The following GAA variants were observed in gnomAD, a reference collection of about 807,000 sequenced individuals.
GAA encodes the protein alpha glucosidase.
GAA carries 88 observed loss-of-function variants against 103.9 expected under a neutral mutation model. That is an observed-to-expected ratio of 0.85 (90% CI 0.71 to 1.01). The LOEUF is 1.01. GAA is among the 50% of genes least tolerant of loss of function. The probability of loss-of-function intolerance (pLI) is 0.00; values close to 1 mark genes in which losing one functional copy is unlikely to be tolerated. For synonymous variants in GAA, 572 were observed against 563.1 expected, an observed-to-expected ratio of 1.02 and a Z score of -0.22; for missense variants, 1,350 against 1,305.3, an observed-to-expected ratio of 1.03 and a Z score of -0.53.
chr17:80,118,822 T>C lies in GAA; in HGVS notation c.2799+17T>C. The stretch of plus-strand genomic sequence containing the variant: ...GACACCAAGGCAAGAGGGCCCAGAG[T>C]GGCACAGGGATCGCGTCCCCCAGCC... On this transcript the variant is annotated intron_variant, in intron 19 of 19. Transcript: ENST00000302262. 5 of 1,612,394 alleles carry C rather than the reference T, an allele frequency of 3.1e-6. No individual in the cohort carries two copies. The highest frequency in any genetic ancestry group is 4.2e-6 in the Non-Finnish European group (5 of 1,179,938).
chr17:80,108,630 G>T (rs1407135392), intron 7 of GAA, 23 bp downstream of exon 7: 2 of 1,612,694 alleles, frequency 1.2e-6, no homozygotes, highest in East Asian at 4.5e-5. Context: ...GGTGGCAGGG[G>T]AGGCAAGGGG....
At chr17:80,108,651 C>G in intron 7 of GAA, 44 bp downstream of exon 7, 2 of 1,612,488 alleles carry the variant, frequency 1.2e-6, no homozygotes, top group Non-Finnish European at 1.7e-6. Context: ...CTGGCCGGGA[C>G]GCGTCTCCTC....
rs775045676 is a variant in GAA, at chr17:80,111,075, C to T, written c.1636+50C>T. 3 of 1,551,716 alleles carry T rather than the reference C, an allele frequency of 1.9e-6. No individual in the cohort carries two copies. In the South Asian group the frequency reaches 3.4e-5, roughly 18 times the overall value. On this transcript the variant is annotated intron_variant, in intron 11 of 19. Transcript: ENST00000302262. ...GGGGACTTAATCAAATCAGAGACTC[C>T]CTTGTCTGGCCTGGGAGACTTAGCA...
Position 80,105,911 on chromosome 17 carries a change from G to C in GAA, c.692+17G>C, listed in dbSNP as rs199559553. The C allele has an allele frequency of 1.3e-3, 1,991 of 1,580,398 alleles. 2 individuals carry two copies. Among genetic ancestry groups the C allele is most frequent in the Non-Finnish European group, 1.3e-3 (1,553 of 1,165,236 alleles). ...CCGCGTGCTGTGAGTTCTGGGCTCT[G>C]TGCCAGCATGATGGGGAGGGCGACG... On this transcript the variant is annotated intron_variant, in intron 3 of 19. Transcript: ENST00000302262.
rs746351336 is a variant in GAA, at chr17:80,104,655, C to T, written c.69C>T (p.Thr23=). The change falls in exon 2 of 20, where the codon ACC becomes ACT. Residue 23 remains threonine (T), a synonymous_variant. Transcript: ENST00000302262. The surrounding 1 kb of genome is among the most constrained non-coding windows in gnomAD (Gnocchi z 4.0). ...LAVCALVSLA[T]AALLGHILLH... ...TCTGCGCCCTCGTGTCCTTGGCAAC[C>T]GCTGCACTCCTGGGGCACATCCTAC... 32 of 1,613,314 alleles carry T rather than the reference C, an allele frequency of 2.0e-5. No individual in the cohort carries two copies. The highest frequency in any genetic ancestry group is 1.6e-4 in the Middle Eastern group (1 of 6,062).
At position 80,112,603 on chromosome 17, in the gene GAA, C is replaced by A; in HGVS notation, c.1780C>A (p.Arg594Ser). Reference protein sequence around the residue: ...HRALVKARGTRPFVISRSTFA... With the variant: ...HRALVKARGTSPFVISRSTFA... Reference sequence around the variant, plus strand: ...GGCGCTGGTGAAGGCTCGGGGGACACGCCCATTTGTGATCTCCCGCTCGAC... The same window carrying A: ...GGCGCTGGTGAAGGCTCGGGGGACAAGCCCATTTGTGATCTCCCGCTCGAC... The change falls in exon 13 of 20, where the codon CGC becomes AGC. Residue 594 changes from arginine to serine, a missense_variant. Arg to Ser is a moderately radical substitution (Grantham distance 110). Coordinates refer to ENST00000302262, the MANE Select transcript of GAA (RefSeq NM_000152.5). 4 of 1,613,006 alleles carry A rather than the reference C, an allele frequency of 2.5e-6. No individual in the cohort carries two copies. The highest frequency in any genetic ancestry group is 3.4e-6 in the Non-Finnish European group (4 of 1,179,956).
rs373307393 is a variant in GAA, at chr17:80,104,895, C to T, written c.309C>T (p.Cys103=). 2.4e-5 allele frequency: 39 copies of T among 1,612,546 alleles called. No individual in the cohort carries two copies. Among genetic ancestry groups the T allele is most frequent in the Admixed American group, 6.7e-5 (4 of 59,980 alleles). ...ACAAGGCCATCACCCAGGAACAGTGCGAGGCCCGCGGCTGTTGCTACATCC... is the reference window on the plus strand; with the variant it reads ...ACAAGGCCATCACCCAGGAACAGTGTGAGGCCCGCGGCTGTTGCTACATCC... ...APDKAITQEQ[C]EARGCCYIPA... is the part of the protein sequence containing the mutation. The change falls in exon 2 of 20, where the codon TGC becomes TGT. Residue 103 remains cysteine, a synonymous_variant. Transcript: ENST00000302262. The surrounding 1 kb of genome is among the most constrained non-coding windows in gnomAD (Gnocchi z 4.0).
Position 80,119,425 on chromosome 17 carries a change from T to C in GAA, c.*94T>C. 1 of 1,063,750 alleles carries C rather than the reference T, an allele frequency of 9.4e-7. No individual in the cohort carries two copies. The highest frequency in any genetic ancestry group is 1.3e-5 in the South Asian group (1 of 79,270). The allele number at this position is 1,063,750 out of a possible 1,614,324, so 65.9% of individuals were successfully genotyped here. A position where few individuals can be genotyped will look rare whatever the true frequency, so the allele number is the denominator to read the frequency against. ...CAGCAGCTGTGTGCGGGCCTGGGGG[T>C]TGCATGTGTCACCTGGAGCTGGGCA... On this transcript the variant is annotated 3_prime_UTR_variant, in exon 20 of 20. Transcript: ENST00000302262.
At chr17:80,112,198 C>T (rs1299638275) in intron 12 of GAA, 98 bp downstream of exon 12, 3 of 1,242,080 alleles carry the variant, frequency 2.4e-6, no homozygotes, top group Non-Finnish European at 3.5e-6. Flanking sequence ...AAAGCGGAGG[C>T]CCAGACCACC....
Position 80,108,573 on chromosome 17 carries a change from T to C in GAA, c.1160T>C (p.Val387Ala). 1 of 1,612,688 alleles carries C rather than the reference T, an allele frequency of 6.2e-7. No individual in the cohort carries two copies. Among genetic ancestry groups the C allele is most frequent in the Non-Finnish European group, 8.5e-7 (1 of 1,179,826 alleles). Residue 387 changes from valine to alanine, a missense_variant, in exon 7 of 20, where the codon GTG becomes GCG. By Grantham distance (64) the Val-to-Ala change is moderately conservative. Coordinates refer to ENST00000302262, the MANE Select transcript of GAA (RefSeq NM_000152.5). ...TCCTCCACCGCTATCACCCGCCAGG[T>C]GGTGGAGAACATGACCAGGGCCCAC... ...GYSSTAITRQ[V>A]VENMTRAHFP...
At chr17:80,111,066 CAG>C (rs1178542349) in intron 11 of GAA, 41 bp downstream of exon 11, 1 of 1,581,522 alleles carries the variant, frequency 6.3e-7, no homozygotes, top group South Asian at 1.1e-5. Context: ...TTAATCAAAT[CAG>C]AGACTCCCTT....
chr17:80,114,574 A>T (rs72850847), intron 15 of GAA, among the ~76,000 whole-genome samples: 6,640 of 152,140 alleles, frequency 0.044, 302 homozygotes, highest in East Asian at 0.24. Flanking sequence ...GTGCTGTTAC[A>T]CGTCTGTATC....
At position 80,107,622 on chromosome 17, in the gene GAA, C is replaced by G. The variant is rs1169157671; in HGVS notation, c.758C>G (p.Pro253Arg). Residue 253 changes from proline (P) to arginine (R), a missense_variant, in exon 4 of 20, where the codon CCC (proline) becomes CGC (arginine). Transcript: ENST00000302262. Reference protein sequence around the residue: ...DQFLQLSTSLPSQYITGLAEH... With the variant: ...DQFLQLSTSLRSQYITGLAEH... ...TTCCTTCAGCTGTCCACCTCGCTGC[C>G]CTCGCAGTATATCACAGGCCTCGCC... 26 of 1,613,112 alleles carry G rather than the reference C, an allele frequency of 1.6e-5. No individual in the cohort carries two copies. The highest frequency in any genetic ancestry group is 2.2e-5 in the Non-Finnish European group (26 of 1,179,924).
intron 19 of GAA, 80 bp downstream of exon 19, chr17:80,118,885 A>G: frequency 6.5e-7 from 1 of 1,528,960 alleles, no homozygotes; most frequent in South Asian, 1.1e-5. Flanking sequence ...CGTCCTGGTG[A>G]CCGATGCCAG....
intron 5 of GAA, 89 bp downstream of exon 5, chr17:80,107,985 C>A: frequency 7.8e-7 from 1 of 1,286,232 alleles, no homozygotes; most frequent in Non-Finnish European, 1.1e-6. Flanking sequence ...GGGCCCTGGG[C>A]ACGGTGCTGG....
chr17:80,105,938 G>T lies in GAA; in HGVS notation c.692+44G>T, dbSNP rs374496056. 7.1e-6 allele frequency: 11 copies of T among 1,555,940 alleles called. No homozygotes were observed. The East Asian group carries it at 2.0e-4, about 29-fold the overall frequency. On this transcript the variant is annotated intron_variant, in intron 3 of 19. Transcript: ENST00000302262. ...GCCAGCATGATGGGGAGGGCGACGC[G>T]CATTTCTCACACGGCAGGGAGGGCC... is the stretch of plus-strand genomic sequence containing the variant.
intron 3 of GAA, among the ~76,000 whole-genome samples, chr17:80,106,127 G>A (rs1222786130): frequency 6.6e-6 from 1 of 152,204 alleles, no homozygotes; most frequent in Admixed American, 6.5e-5. Context: ...GCCCCTGCTT[G>A]TCATTTAACT....
At chr17:80,118,171 T>C in intron 17 of GAA, 22 bp from the exon 18 acceptor site, 2 of 1,612,296 alleles carry the variant, frequency 1.2e-6, no homozygotes, top group Non-Finnish European at 1.7e-6. Context: ...GATGATGACA[T>C]CACGTGTCCT....
At chr17:80,107,143 C>T (rs12941289) in intron 3 of GAA, among the ~76,000 whole-genome samples, 1 of 151,874 alleles carries the variant, frequency 6.6e-6, no homozygotes, top group East Asian at 1.9e-4. Flanking sequence ...GGGTCCTTCT[C>T]AGGCATGGCT....
Sources: allele counts gnomAD v4.1 joint callset (sites outside exome capture counted in the v4.1 genomes callset), GRCh38; gene constraint gnomAD v4.1.1; non-coding constraint Gnocchi (gnomAD v3.1); transcripts MANE v1.5; gene names NCBI Gene and HGNC (gene_info 2026-07-23, HGNC 2026-07-21).